The following AP1AR variants were observed in gnomAD, a reference collection of about 807,000 sequenced individuals.
AP1AR encodes AP-1 complex-associated regulatory protein.
AP1AR carries 29 observed loss-of-function variants against 46.3 expected under a neutral mutation model. The ratio of observed to expected loss-of-function variants is 0.63; its 90% CI spans 0.47 to 0.85. AP1AR has a LOEUF of 0.85. AP1AR is among the 40% of genes least tolerant of loss of function. AP1AR has a pLI of 0.00. For missense variants in AP1AR, 357 were observed against 356.3 expected (o/e 1.00, Z -0.02); for synonymous variants, 122 against 122.9 (o/e 0.99, Z 0.05).
chr4:112,232,450 C>T (rs979535150), intron 1 of AP1AR, among the ~76,000 whole-genome samples: 16 of 152,208 alleles, frequency 1.1e-4, no homozygotes, highest in Admixed American at 1.0e-3. Flanking sequence ...ACATCATCTC[C>T]AGGAAACAAG....
At position 112,271,013 on chromosome 4, in the gene AP1AR, T is replaced by C. The variant is rs191080056; in HGVS notation, c.*2604T>C. 3.2e-3 allele frequency among the ~76,000 whole-genome samples: 484 copies of C among 152,298 alleles called. No homozygotes were observed. The highest frequency in any genetic ancestry group is 5.3e-3 in the Non-Finnish European group (359 of 68,026). ...GTGAAAAGGCAGAGCAGATTTGTTTTAGAGGTAGAATCATCAGGATTTTCT... is the reference window on the plus strand; with the variant it reads ...GTGAAAAGGCAGAGCAGATTTGTTTCAGAGGTAGAATCATCAGGATTTTCT... On this transcript the variant is annotated 3_prime_UTR_variant, in exon 10 of 10. Coordinates refer to ENST00000274000, the MANE Select transcript of AP1AR (RefSeq NM_018569.6).
intron 4 of AP1AR, among the ~76,000 whole-genome samples, chr4:112,259,289 C>T (rs545877570): frequency 3.5e-4 from 54 of 152,252 alleles, no homozygotes; most frequent in Non-Finnish European, 7.2e-4. Context: ...GAGGTAAGGA[C>T]ATGAAGGCAA....
chr4:112,244,766 C>T (rs1725651990), intron 1 of AP1AR, among the ~76,000 whole-genome samples: 1 of 152,100 alleles, frequency 6.6e-6, no homozygotes, highest in Non-Finnish European at 1.5e-5. Context: ...TATGGTACCT[C>T]CAACATTCAC....
chr4:112,257,504 TA>T (rs951992134), intron 3 of AP1AR, among the ~76,000 whole-genome samples: 7 of 152,064 alleles, frequency 4.6e-5, no homozygotes, highest in Non-Finnish European at 8.8e-5. Flanking sequence ...AAATATTTGT[TA>T]AAAAAAATTA....
chr4:112,265,706 T>C (rs1476179798), intron 7 of AP1AR, 28 bp from the exon 8 acceptor site: 1 of 1,555,740 alleles, frequency 6.4e-7, no homozygotes, highest in Non-Finnish European at 8.8e-7. Flanking sequence ...CATGAATATA[T>C]TAAAAAATTA....
chr4:112,263,130 CTTATTTTCTCT>C, intron 6 of AP1AR, 44 bp downstream of exon 6: 1 of 1,453,256 alleles, frequency 6.9e-7, no homozygotes, highest in Non-Finnish European at 9.5e-7. Flanking sequence ...TGCTTTTCTC[CTTATTTTCTCT>C]GACAAATCTT....
rs998715162 is a variant in AP1AR at position 112,271,956 on chromosome 4, C to G, written c.*3547C>G. 1.4e-4 allele frequency among the ~76,000 whole-genome samples: 21 copies of G among 152,224 alleles called. No individual in the cohort carries two copies. Among genetic ancestry groups the G allele is most frequent in the African/African-American group, 3.9e-4 (16 of 41,534 alleles). On this transcript the variant is annotated 3_prime_UTR_variant, in exon 10 of 10. Transcript: ENST00000274000. ...AAACAGTCGTCAAAAGAAACAGATA[C>G]AGGAGGAATGCAGGAACCAGAGAAT...
rs1726845093 is a variant in AP1AR, at chr4:112,269,190, A to AT, written c.*786dup. On this transcript the variant is annotated 3_prime_UTR_variant, in exon 10 of 10. Coordinates refer to ENST00000274000, the MANE Select transcript of AP1AR (RefSeq NM_018569.6). ...CAGTATTAAGTTTTTAGGTGCCATTATTTTTAAAAAATTCTATATTTCCAA... is the reference window on the plus strand; with the variant it reads ...CAGTATTAAGTTTTTAGGTGCCATTATTTTTTAAAAAATTCTATATTTCCAA... 4 of 151,922 alleles carry AT rather than the reference A, an allele frequency of 2.6e-5. No homozygotes were observed. The highest frequency in any genetic ancestry group is 2.6e-4 in the Admixed American group (4 of 15,200). The allele number at this position is 151,922 out of a possible 1,614,324, so 9.4% of individuals were successfully genotyped here.
chr4:112,234,487 T>C (rs1725156655), intron 1 of AP1AR, among the ~76,000 whole-genome samples: 1 of 152,200 alleles, frequency 6.6e-6, no homozygotes, highest in South Asian at 2.1e-4. Flanking sequence ...AATGGTGATA[T>C]TGATCCTATT....
chr4:112,238,089 T>C (rs1298670382), intron 1 of AP1AR, among the ~76,000 whole-genome samples: 1 of 152,246 alleles, frequency 6.6e-6, no homozygotes, highest in Non-Finnish European at 1.5e-5. Flanking sequence ...TTTACAAAAA[T>C]AGGCAGAGGG....
intron 1 of AP1AR, among the ~76,000 whole-genome samples, chr4:112,234,430 G>A (rs1725154616): frequency 1.3e-5 from 2 of 152,136 alleles, no homozygotes; most frequent in Non-Finnish European, 2.9e-5. Flanking sequence ...GTCCTGTGGA[G>A]GCAGTGAGAG....
At chr4:112,266,091 A>G (rs1726692443) in intron 8 of AP1AR, among the ~76,000 whole-genome samples, 3 of 151,780 alleles carry the variant, frequency 2.0e-5, no homozygotes, top group South Asian at 4.1e-4. Context: ...CAAAAAAAAG[A>G]AAGGAAAGGT....
Position 112,231,846 on chromosome 4 carries a change from A to C in AP1AR, c.-246A>C, listed in dbSNP as rs1578395689. ...CCATGCGGACGGCGAGGGAGTCCAGAGCCTTGAGCCCGGTGCTCCTCCCTC... is the reference window on the plus strand; with the variant it reads ...CCATGCGGACGGCGAGGGAGTCCAGCGCCTTGAGCCCGGTGCTCCTCCCTC... On this transcript the variant is annotated 5_prime_UTR_variant, in exon 1 of 10. Transcript: ENST00000274000. The C allele has an allele frequency of 5.3e-6, 2 of 380,692 alleles. No individual in the cohort carries two copies. The highest frequency in any genetic ancestry group is 2.1e-5 in the African/African-American group (1 of 48,106). The allele number at this position is 380,692 out of a possible 1,614,324, so 23.6% of individuals were successfully genotyped here.
At chr4:112,267,841 G>A (rs1188776165) in intron 9 of AP1AR, among the ~76,000 whole-genome samples, 1 of 152,076 alleles carries the variant, frequency 6.6e-6, no homozygotes, top group South Asian at 2.1e-4. Flanking sequence ...GAGACTAACA[G>A]CAGTTGAAAT....
rs926603422 is a variant in AP1AR, at chr4:112,272,820, A to G, written c.*4411A>G. The G allele has an allele frequency of 2.6e-5, 4 of 152,132 alleles. No individual in the cohort carries two copies. Among genetic ancestry groups the G allele is most frequent in the African/African-American group, 9.7e-5 (4 of 41,420 alleles). The allele number at this position is 152,132 out of a possible 1,614,324, so 9.4% of individuals were successfully genotyped here. A position where few individuals can be genotyped will look rare whatever the true frequency, so the allele number is the denominator to read the frequency against. ...AACACTAGAACTTTTGAAATGATAT[A>G]TTTTGGAATTATGCCCGCTTTTTTT... On this transcript the variant is annotated 3_prime_UTR_variant, in exon 10 of 10. Coordinates refer to ENST00000274000, the MANE Select transcript of AP1AR (RefSeq NM_018569.6).
chr4:112,260,808 T>G lies in AP1AR; in HGVS notation c.228T>G (p.His76Gln), dbSNP rs774175946. 2 of 1,607,544 alleles carry G rather than the reference T, an allele frequency of 1.2e-6. No homozygotes were observed. Among genetic ancestry groups the G allele is most frequent in the Admixed American group, 1.7e-5 (1 of 59,152 alleles). ...EEEIVDLRER[H>Q]YDSIAEKQKD... is the part of the protein sequence containing the mutation. ...AAATTGTTGACCTAAGAGAAAGGCA[T>G]TATGATTCCATTGCCGAAAAACAAA... The change falls in exon 5 of 10, where the codon CAT becomes CAG. Residue 76 changes from histidine to glutamine, a missense_variant. His to Gln is a conservative substitution (Grantham distance 24). This residue lies in a region of AP1AR where 269 missense variants were observed against 223.6 expected (regional missense o/e 1.20). Coordinates refer to ENST00000274000, the MANE Select transcript of AP1AR (RefSeq NM_018569.6).
rs1294533060 is a variant in AP1AR, at chr4:112,268,763, C to G, written c.*354C>G. ...TGATTTATGAAGCCTATTTCATTGT[C>G]TAACTATGAAAATATTAAGACTTTT... On this transcript the variant is annotated 3_prime_UTR_variant, in exon 10 of 10. Coordinates refer to ENST00000274000, the MANE Select transcript of AP1AR (RefSeq NM_018569.6). 6.1e-6 allele frequency: 1 copy of G among 165,194 alleles called. No individual in the cohort carries two copies. Among genetic ancestry groups the G allele is most frequent in the Non-Finnish European group, 1.3e-5 (1 of 77,174 alleles). The allele number at this position is 165,194 out of a possible 1,614,324, so 10.2% of individuals were successfully genotyped here. A position where few individuals can be genotyped will look rare whatever the true frequency, so the allele number is the denominator to read the frequency against.
At chr4:112,232,225 C>A in intron 1 of AP1AR, 51 bp downstream of exon 1, 27 of 1,253,038 alleles carry the variant, frequency 2.2e-5, no homozygotes, top group Non-Finnish European at 2.7e-5. Context: ...CCTCTTCGGC[C>A]CCCGGCGGGG....
At chr4:112,256,237 AT>A (rs1726194130) in intron 3 of AP1AR, among the ~76,000 whole-genome samples, 1 of 152,216 alleles carries the variant, frequency 6.6e-6, no homozygotes, top group Non-Finnish European at 1.5e-5. Flanking sequence ...GATAGGACAC[AT>A]TTTGGAAACT....
Sources: gnomAD v4.1 joint callset for allele counts (sites outside exome capture counted in the v4.1 genomes callset) on GRCh38, gnomAD v4.1.1 for gene constraint, gnomAD v4.1.1 regional missense constraint, MANE v1.5 for transcripts, NCBI Gene and HGNC (gene_info 2026-07-23, HGNC 2026-07-21) for gene names.